Variants in FSTL5 observed in about 807,000 individuals in gnomAD.
FSTL5 encodes the protein follistatin like 5.
FSTL5 carries 62 observed loss-of-function variants against 89.1 expected under a neutral mutation model. That is an observed-to-expected ratio of 0.70 (90% CI 0.57 to 0.86). The LOEUF (loss-of-function observed/expected upper bound fraction) is 0.86, where lower values mean the gene tolerates loss of function less well. Ranked by LOEUF, FSTL5 falls within the 40% of genes least tolerant of loss-of-function variation. The probability of loss-of-function intolerance (pLI) is 0.00; values close to 1 mark genes in which losing one functional copy is unlikely to be tolerated. For synonymous variants in FSTL5, 383 were observed against 346.2 expected, an observed-to-expected ratio of 1.11 and a Z score of -1.18; for missense variants, 1,057 against 1,001.6, an observed-to-expected ratio of 1.06 and a Z score of -0.75.
intron 1 of FSTL5, among the ~76,000 whole-genome samples, chr4:162,162,543 C>T (rs1251255170): frequency 7.9e-5 from 12 of 152,020 alleles, no homozygotes; most frequent in African/African-American, 2.7e-4. Flanking sequence ...ATCAGGCAAA[C>T]CATCACACCT....
chr4:161,482,022 C>A (rs1729527154), intron 12 of FSTL5, among the ~76,000 whole-genome samples: 1 of 152,124 alleles, frequency 6.6e-6, no homozygotes. Context: ...TTAAAATGTA[C>A]ATAAAATGTA....
chr4:161,651,331 GAAA>G (rs11325739), intron 7 of FSTL5, among the ~76,000 whole-genome samples: 9 of 121,672 alleles, frequency 7.4e-5, no homozygotes, highest in Admixed American at 8.4e-5. Context: ...TCCTTGAATT[GAAA>G]AAAAAAAAAA....
At chr4:161,992,736 C>T (rs1736148077) in intron 3 of FSTL5, among the ~76,000 whole-genome samples, 1 of 149,280 alleles carries the variant, frequency 6.7e-6, no homozygotes, top group African/African-American at 2.5e-5. Context: ...CCCAGCTATC[C>T]GGGAGCCTGA....
chr4:161,410,771 T>C lies in FSTL5; in HGVS notation c.1842-24322A>G, dbSNP rs80035654. Among the ~76,000 whole-genome samples the C allele has an allele frequency of 3.5e-3, 524 of 151,838 alleles. 13 individuals carry two copies. In the East Asian group the frequency reaches 0.054, roughly 16 times the overall value. ...GCTCTAAAATATCTTCATTAAGAAG[T>C]TAGAAAGTTCTCAAATTAAAAATCT... On this transcript the variant is annotated intron_variant, in intron 15 of 15. Coordinates refer to ENST00000306100, the MANE Select transcript of FSTL5 (RefSeq NM_020116.5).
At chr4:161,925,201 T>A (rs1426136153) in intron 3 of FSTL5, among the ~76,000 whole-genome samples, 7 of 151,948 alleles carry the variant, frequency 4.6e-5, no homozygotes, top group Non-Finnish European at 5.9e-5. Flanking sequence ...GTTTTCTCTA[T>A]AATATCTATT....
intron 4 of FSTL5, among the ~76,000 whole-genome samples, chr4:161,837,927 T>C (rs1731096505): frequency 6.6e-6 from 1 of 152,154 alleles, no homozygotes; most frequent in South Asian, 2.1e-4. Flanking sequence ...AATACAAATG[T>C]TAGTAAATCA....
chr4:162,044,490 AG>A (rs1011758623), intron 2 of FSTL5, among the ~76,000 whole-genome samples: 3 of 152,166 alleles, frequency 2.0e-5, no homozygotes, highest in African/African-American at 4.8e-5. Flanking sequence ...TAAGGACCTC[AG>A]GGTTTTCAGA....
chr4:162,001,763 G>A (rs1369782027), intron 3 of FSTL5, among the ~76,000 whole-genome samples: 1 of 152,086 alleles, frequency 6.6e-6, no homozygotes, highest in Non-Finnish European at 1.5e-5. Context: ...CAAAGCCAGT[G>A]CTCTCACCTT....
intron 8 of FSTL5, among the ~76,000 whole-genome samples, chr4:161,544,013 A>G (rs1005809456): frequency 6.6e-6 from 1 of 152,146 alleles, no homozygotes; most frequent in African/African-American, 2.4e-5. Context: ...TATATAGAGA[A>G]CTGTTACAAA....
intron 15 of FSTL5, among the ~76,000 whole-genome samples, chr4:161,436,721 TA>T (rs1732571826): frequency 6.6e-6 from 1 of 152,232 alleles, no homozygotes; most frequent in Admixed American, 6.5e-5. Flanking sequence ...ATGTCCCATC[TA>T]TGCCCGCAGA....
intron 3 of FSTL5, among the ~76,000 whole-genome samples, chr4:162,003,823 G>C (rs986748207): frequency 1.3e-5 from 2 of 152,004 alleles, no homozygotes; most frequent in African/African-American, 4.8e-5. Context: ...GTGAATACAG[G>C]GCTCTTTCCC....
chr4:162,100,906 G>T (rs542396754), intron 2 of FSTL5, among the ~76,000 whole-genome samples: 1 of 152,324 alleles, frequency 6.6e-6, no homozygotes, highest in South Asian at 2.1e-4. Flanking sequence ...CACACTGCTG[G>T]CATTTCTGAT....
At chr4:161,875,072 A>T (rs930343742) in intron 4 of FSTL5, among the ~76,000 whole-genome samples, 1 of 152,186 alleles carries the variant, frequency 6.6e-6, no homozygotes, top group African/African-American at 2.4e-5. Flanking sequence ...GATACTGTAT[A>T]TCTACAGATA....
intron 4 of FSTL5, among the ~76,000 whole-genome samples, chr4:161,860,463 G>A (rs1388834392): frequency 6.6e-6 from 1 of 152,162 alleles, no homozygotes; most frequent in African/African-American, 2.4e-5. Flanking sequence ...AAAGGTAATA[G>A]GTCAGACTTA....
At chr4:161,661,980 G>A (rs1429584112) in intron 6 of FSTL5, among the ~76,000 whole-genome samples, 2 of 152,106 alleles carry the variant, frequency 1.3e-5, no homozygotes, top group African/African-American at 4.8e-5. Context: ...TCAGAGATGA[G>A]ATTACACCTG....
chr4:161,640,240 G>A (rs546716681), intron 7 of FSTL5, among the ~76,000 whole-genome samples: 1 of 152,234 alleles, frequency 6.6e-6, no homozygotes, highest in African/African-American at 2.4e-5. Context: ...AGATTTAACT[G>A]TCTAGTTTTC....
chr4:161,385,867 T>C lies in FSTL5; in HGVS notation c.2424A>G (p.Gln808=), dbSNP rs1393157841. The C allele has an allele frequency of 1.9e-6, 3 of 1,613,834 alleles. No homozygotes were observed. The highest frequency in any genetic ancestry group is 2.5e-6 in the Non-Finnish European group (3 of 1,179,920). ...AGTCCTTGGAAGGTGTCATCAGGTA[T>C]TGACCAAACAAGCCACTGTCCTGGA... The part of the protein sequence containing the change: ...RQIQDSGLFG[Q]YLMTPSKDSL... Residue 808 remains glutamine (Q), a synonymous_variant, in exon 16 of 16, where the codon CAA becomes CAG. Transcript: ENST00000306100.
chr4:161,968,076 T>C (rs965469946), intron 3 of FSTL5, among the ~76,000 whole-genome samples: 2 of 152,010 alleles, frequency 1.3e-5, no homozygotes, highest in Non-Finnish European at 2.9e-5. Flanking sequence ...CTTTGGTGTA[T>C]TTCTGACTTT....
chr4:161,602,660 A>C (rs538472136), intron 7 of FSTL5, among the ~76,000 whole-genome samples: 2 of 152,298 alleles, frequency 1.3e-5, no homozygotes, highest in Non-Finnish European at 1.5e-5. Context: ...TTACATACAG[A>C]AGGGCAAATG....
Sources: gnomAD v4.1 joint callset for allele counts (sites outside exome capture counted in the v4.1 genomes callset) on GRCh38, gnomAD v4.1.1 for gene constraint, MANE v1.5 for transcripts, NCBI Gene and HGNC (gene_info 2026-07-23, HGNC 2026-07-21) for gene names.